HOMER2: variants seen among roughly 807,000 people sequenced by gnomAD.
HOMER2 encodes the protein homer protein homolog 2.
Under a neutral mutation model 47.0 loss-of-function variants are expected in HOMER2, and 27 were observed. That is an observed-to-expected ratio of 0.57 (90% CI 0.42 to 0.79). The LOEUF is 0.79. HOMER2 is among the 30% of genes least tolerant of loss of function. The pLI, the probability that HOMER2 is intolerant of heterozygous loss-of-function variation, is 0.00. For synonymous variants in HOMER2, 161 were observed against 163.8 expected (o/e 0.98, Z 0.13); for missense variants, 443 against 435.0 (o/e 1.02, Z -0.16).
chr15:82,953,566 C>T (rs1327929166), upstream of HOMER2, among the ~76,000 whole-genome samples: 1 of 152,132 alleles, frequency 6.6e-6, no homozygotes, highest in Non-Finnish European at 1.5e-5. Flanking sequence ...CCTGGCATCT[C>T]AGGACAGTAA....
At chr15:82,952,020 TA>T in intron 1 of HOMER2, 1 of 983,114 alleles carries the variant, frequency 1.0e-6, no homozygotes, top group Non-Finnish European at 1.2e-6. Flanking sequence ...CTAGGTTCCT[TA>T]TAGACTTCCA....
intron 4 of HOMER2, among the ~76,000 whole-genome samples, chr15:82,859,946 C>A (rs2051719596): frequency 6.6e-6 from 1 of 152,024 alleles, no homozygotes; most frequent in South Asian, 2.1e-4. Flanking sequence ...TACAGCAGTA[C>A]ATATGAAAAA....
chr15:82,928,786 C>A (rs2053919514), intron 1 of HOMER2, among the ~76,000 whole-genome samples: 1 of 151,746 alleles, frequency 6.6e-6, no homozygotes. Context: ...AAACTCCCAA[C>A]TTCTATGGAG....
chr15:82,928,960 A>AAAAAAAAAAAAAAAAAAAAAAAAAAAAAT (rs2053933614), intron 1 of HOMER2, among the ~76,000 whole-genome samples: 1 of 148,752 alleles, frequency 6.7e-6, no homozygotes, highest in Non-Finnish European at 1.5e-5. Context: ...AAAAAAAAAA[A>AAAAAAAAAAAAAAAAAAAAAAAAAAAAAT]GCTGTCATGC....
chr15:82,917,316 A>T (rs80164054), intron 1 of HOMER2, among the ~76,000 whole-genome samples: 2,298 of 152,336 alleles, frequency 0.015, 31 homozygotes, highest in African/African-American at 0.028. Flanking sequence ...AATCTGCAGG[A>T]TATCACCAAG....
chr15:82,924,543 C>T (rs2053812207), intron 1 of HOMER2, among the ~76,000 whole-genome samples: 1 of 152,158 alleles, frequency 6.6e-6, no homozygotes, highest in African/African-American at 2.4e-5. Flanking sequence ...TGCACATTTA[C>T]ATCTTAGGGC....
upstream of HOMER2, among the ~76,000 whole-genome samples, chr15:82,954,463 T>G (rs1337538007): frequency 6.8e-6 from 1 of 146,326 alleles, no homozygotes; most frequent in Non-Finnish European, 1.5e-5. Context: ...ACGCCCAGTT[T>G]TTTTTTTTTT....
chr15:82,880,843 C>G (rs920704969), intron 2 of HOMER2, among the ~76,000 whole-genome samples: 2 of 152,000 alleles, frequency 1.3e-5, no homozygotes, highest in Non-Finnish European at 2.9e-5. Flanking sequence ...AGGAAGCAAC[C>G]AAGGAAGAGC....
rs569414365 is a variant in HOMER2 at position 82,855,523 on chromosome 15, C to T, written c.495-723G>A. Among the ~76,000 whole-genome samples the T allele has an allele frequency of 3.9e-5, 6 of 152,184 alleles. No homozygotes were observed. In the South Asian group the frequency reaches 1.0e-3, roughly 26 times the overall value. ...GAAAGCCATGGACGGACCTCCAGGA[C>T]GCTGGGTTTAAACAAGCAAGAAGCC... On this transcript the variant is annotated intron_variant, in intron 5 of 8. Transcript: ENST00000450735.
intron 1 of HOMER2, among the ~76,000 whole-genome samples, chr15:82,984,372 C>T (rs927242210): frequency 9.9e-5 from 15 of 152,180 alleles, no homozygotes; most frequent in African/African-American, 3.6e-4. Context: ...ACACCTCTTA[C>T]CTTTACTACC....
intron 5 of HOMER2, among the ~76,000 whole-genome samples, chr15:82,857,157 T>C (rs767871683): frequency 6.6e-6 from 1 of 152,022 alleles, no homozygotes; most frequent in African/African-American, 2.4e-5. Context: ...GGCGTGAGGA[T>C]GAAATCTTTA....
At chr15:82,940,554 T>C (rs1345814940) in intron 1 of HOMER2, among the ~76,000 whole-genome samples, 1 of 152,082 alleles carries the variant, frequency 6.6e-6, no homozygotes, top group Non-Finnish European at 1.5e-5. Flanking sequence ...CCATCCTGGC[T>C]AACACAGTGA....
chr15:82,860,601 C>T (rs978324447), intron 4 of HOMER2, among the ~76,000 whole-genome samples: 4 of 152,024 alleles, frequency 2.6e-5, no homozygotes, highest in Non-Finnish European at 5.9e-5. Context: ...GAAAAGCATA[C>T]AATCGATAAA....
upstream of HOMER2, among the ~76,000 whole-genome samples, chr15:82,956,032 G>C (rs1240454618): frequency 6.6e-6 from 1 of 152,026 alleles, no homozygotes; most frequent in South Asian, 2.1e-4. Flanking sequence ...TTGAGGCCAG[G>C]AGTTCAAGAC....
intron 1 of HOMER2, 99 bp downstream of exon 1, chr15:82,952,432 G>A (rs2151242538): frequency 2.3e-6 from 2 of 871,146 alleles, no homozygotes; most frequent in East Asian, 4.0e-5. Flanking sequence ...GGAGGCGGGG[G>A]CCGGCCCGCC....
intron 2 of HOMER2, among the ~76,000 whole-genome samples, chr15:82,882,883 T>TACTGAAACACATCCAC (rs1567033115): frequency 6.5e-5 from 4 of 61,668 alleles, no homozygotes; most frequent in East Asian, 1.1e-3. Context: ...AGCCACTGCT[T>TACTGAAACACATCCAC]TTTTTTTTTT....
rs563548023 is a variant in HOMER2 at position 82,939,394 on chromosome 15, C to T, written c.5+13137G>A. On this transcript the variant is annotated intron_variant, in intron 1 of 8. Transcript: ENST00000450735. ...TAAGAACAGGAATTTTGGCCGGGCA[C>T]GGTGGCTCACGCCTGTAATCCCAGC... Among the ~76,000 whole-genome samples the T allele has an allele frequency of 6.6e-5, 10 of 152,246 alleles. No individual in the cohort carries two copies. In the East Asian group the frequency reaches 1.2e-3, roughly 18 times the overall value.
intron 1 of HOMER2, among the ~76,000 whole-genome samples, chr15:82,893,574 G>A (rs564942991): frequency 4.6e-4 from 69 of 149,946 alleles, no homozygotes; most frequent in Non-Finnish European, 5.9e-4. Context: ...CTTGTGATCC[G>A]CCTGCCTCGG....
chr15:82,906,592 C>G (rs1425328504), intron 1 of HOMER2, among the ~76,000 whole-genome samples: 1 of 152,060 alleles, frequency 6.6e-6, no homozygotes, highest in Non-Finnish European at 1.5e-5. Flanking sequence ...GCCACCATGC[C>G]CAGCTAATTT....
Sources: gnomAD v4.1 joint callset for allele counts (sites outside exome capture counted in the v4.1 genomes callset) on GRCh38, gnomAD v4.1.1 for gene constraint, MANE v1.5 for transcripts, NCBI Gene and HGNC (gene_info 2026-07-23, HGNC 2026-07-21) for gene names.